Variants in DCC observed in about 807,000 individuals in gnomAD.
The protein encoded by DCC is DCC netrin 1 receptor.
Under a neutral mutation model 172.5 loss-of-function variants are expected in DCC, and 58 were observed. The observed-to-expected ratio is 0.34, with a 90% CI of 0.27 to 0.42. DCC has a LOEUF of 0.42. Among genes scored for constraint, DCC ranks in the 10% least tolerant of loss-of-function variants. DCC has a pLI of 1.00. For missense variants in DCC, 1,740 were observed against 1,791.0 expected (o/e 0.97, Z 0.51); for synonymous variants, 709 against 644.5 (o/e 1.10, Z -1.52).
chr18:53,308,001 A>G (rs1388093728), intron 13 of DCC, among the ~76,000 whole-genome samples: 1 of 147,558 alleles, frequency 6.8e-6, no homozygotes, highest in Non-Finnish European at 1.5e-5. Context: ...GTCTGTACAT[A>G]TAATTTTCTT....
At chr18:52,576,841 A>AAG (rs1031572509) in intron 1 of DCC, among the ~76,000 whole-genome samples, 2 of 151,754 alleles carry the variant, frequency 1.3e-5, no homozygotes, top group Non-Finnish European at 2.9e-5. Flanking sequence ...AAAAAAAAAA[A>AAG]AAAGAAAATA....
chr18:53,108,411 A>C (rs762415342), intron 7 of DCC, among the ~76,000 whole-genome samples: 1 of 151,846 alleles, frequency 6.6e-6, no homozygotes, highest in Non-Finnish European at 1.5e-5. Context: ...CTTAGTACCA[A>C]TAGATTTTGT....
chr18:52,414,400 C>T (rs554850356), intron 1 of DCC, among the ~76,000 whole-genome samples: 1 of 152,206 alleles, frequency 6.6e-6, no homozygotes, highest in East Asian at 1.9e-4. Context: ...TTCTCTTTTC[C>T]ATGACTCAAT....
chr18:52,507,475 C>T (rs570189631), intron 1 of DCC, among the ~76,000 whole-genome samples: 1 of 152,278 alleles, frequency 6.6e-6, no homozygotes, highest in East Asian at 1.9e-4. Flanking sequence ...ATGGCTAAAA[C>T]TAAATCAGAG....
At chr18:52,888,157 C>T (rs193202987) in intron 2 of DCC, among the ~76,000 whole-genome samples, 22 of 152,316 alleles carry the variant, frequency 1.4e-4, no homozygotes, top group East Asian at 7.7e-4. Flanking sequence ...CCCTGTTGTG[C>T]TTCCTGTTTG....
intron 1 of DCC, among the ~76,000 whole-genome samples, chr18:52,413,850 A>G (rs1314078927): frequency 6.6e-6 from 1 of 152,146 alleles, no homozygotes; most frequent in Non-Finnish European, 1.5e-5. Context: ...ATACTCCTTT[A>G]CATAATAATT....
At chr18:52,813,411 C>T (rs1598829274) in intron 2 of DCC, among the ~76,000 whole-genome samples, 1 of 151,992 alleles carries the variant, frequency 6.6e-6, no homozygotes, top group East Asian at 1.9e-4. Context: ...CATGAGATGA[C>T]TCTTGACATT....
At chr18:52,963,333 G>A (rs181373520) in intron 5 of DCC, among the ~76,000 whole-genome samples, 2,045 of 151,628 alleles carry the variant, frequency 0.013, 61 homozygotes, top group African/African-American at 0.047. Flanking sequence ...TGTGAAAAAT[G>A]TTTTCTAGGA....
At chr18:53,188,299 A>G (rs1342065609) in intron 9 of DCC, among the ~76,000 whole-genome samples, 1 of 152,212 alleles carries the variant, frequency 6.6e-6, no homozygotes, top group Non-Finnish European at 1.5e-5. Context: ...CTTATCCTAA[A>G]CAATGGGCTT....
At chr18:53,109,260 C>A (rs993425642) in intron 7 of DCC, among the ~76,000 whole-genome samples, 2 of 151,216 alleles carry the variant, frequency 1.3e-5, no homozygotes, top group African/African-American at 4.8e-5. Flanking sequence ...TGTATTGAAT[C>A]TACTGATCAG....
intron 2 of DCC, among the ~76,000 whole-genome samples, chr18:52,863,547 G>A (rs1381765650): frequency 2.6e-5 from 4 of 151,554 alleles, no homozygotes; most frequent in Non-Finnish European, 4.4e-5. Context: ...TAATGTCTTA[G>A]CATTATATCT....
chr18:52,922,507 T>C (rs374676606), intron 3 of DCC, among the ~76,000 whole-genome samples: 1 of 152,176 alleles, frequency 6.6e-6, no homozygotes, highest in African/African-American at 2.4e-5. Context: ...GTTTAAAAGA[T>C]TTCATTGCCT....
At chr18:53,240,159 A>G (rs904865080) in intron 12 of DCC, among the ~76,000 whole-genome samples, 8 of 152,010 alleles carry the variant, frequency 5.3e-5, no homozygotes, top group Admixed American at 5.2e-4. Flanking sequence ...GAAAGTTATA[A>G]TTACTTTTAT....
At chr18:53,084,697 C>T (rs998654784) in intron 7 of DCC, among the ~76,000 whole-genome samples, 48 of 152,140 alleles carry the variant, frequency 3.2e-4, no homozygotes, top group Non-Finnish European at 3.7e-4. Flanking sequence ...ATCTTTAGAG[C>T]CTGCAAAAAG....
chr18:53,410,533 C>T lies in DCC; in HGVS notation c.3017C>T (p.Thr1006Ile), dbSNP rs747914607. The T allele has an allele frequency of 1.2e-6, 2 of 1,606,802 alleles. No individual in the cohort carries two copies. The highest frequency in any genetic ancestry group is 8.5e-7 in the Non-Finnish European group (1 of 1,173,382). ...IMETISGDRLTHQIMDLNLDT... is the reference protein window; with the variant it reads ...IMETISGDRLIHQIMDLNLDT... ...GAAACAATCAGTGGTGATAGGCTTA[C>T]TCATCAAATCATGGATCTCAACCTT... Residue 1006 changes from threonine to isoleucine, a missense_variant, in exon 20 of 29, where the codon ACT becomes ATT. Physicochemically the swap from Thr to Ile is moderately conservative, Grantham distance 89 (BLOSUM62 -1). This residue lies in a region of DCC where 1,732 missense variants were observed against 1,767.4 expected (regional missense o/e 0.98). Coordinates refer to ENST00000442544, the MANE Select transcript of DCC (RefSeq NM_005215.4).
chr18:53,504,330 G>C (rs1598817662), intron 27 of DCC, among the ~76,000 whole-genome samples: 1 of 152,162 alleles, frequency 6.6e-6, no homozygotes, highest in Admixed American at 6.5e-5. Flanking sequence ...TGGGAGATCA[G>C]ACATCCTTTA....
chr18:53,351,026 G>A (rs2057785310), intron 15 of DCC, among the ~76,000 whole-genome samples: 1 of 148,802 alleles, frequency 6.7e-6, no homozygotes. Context: ...TCTCTTTTAT[G>A]ATTTTTTTTT....
intron 27 of DCC, among the ~76,000 whole-genome samples, chr18:53,523,515 C>T (rs557232943): frequency 6.6e-6 from 1 of 152,244 alleles, no homozygotes; most frequent in East Asian, 1.9e-4. Context: ...ACCCAAATGC[C>T]CATCAGTGAC....
intron 21 of DCC, among the ~76,000 whole-genome samples, chr18:53,425,337 AT>A (rs1910851741): frequency 7.4e-6 from 1 of 135,330 alleles, no homozygotes; most frequent in African/African-American, 2.7e-5. Context: ...TCTGTCCACA[AT>A]TTTCCCCGTT....
Sources: allele counts gnomAD v4.1 joint callset (sites outside exome capture counted in the v4.1 genomes callset), GRCh38; gene constraint gnomAD v4.1.1; regional missense constraint gnomAD v4.1.1; transcripts MANE v1.5; gene names NCBI Gene and HGNC (gene_info 2026-07-23, HGNC 2026-07-21).